Variants in NRXN3 observed in about 807,000 individuals in gnomAD.
The protein encoded by NRXN3 is neurexin 3.
In NRXN3, 32 loss-of-function variants were observed where a neutral mutation model predicts 137.6. That is an observed-to-expected ratio of 0.23 (90% CI 0.18 to 0.31). NRXN3 has a LOEUF of 0.31. Among genes scored for constraint, NRXN3 ranks in the 10% least tolerant of loss-of-function variants. The pLI is 1.00. For synonymous variants in NRXN3, 798 were observed against 784.5 expected, an observed-to-expected ratio of 1.02 and a Z score of -0.29; for missense variants, 1,574 against 2,062.5, an observed-to-expected ratio of 0.76 and a Z score of 4.59.
chr14:78,347,478 CAATG>C (rs2153588750), intron 4 of NRXN3, among the ~76,000 whole-genome samples: 1 of 152,314 alleles, frequency 6.6e-6, no homozygotes, highest in South Asian at 2.1e-4. Context: ...AGAGACAAGA[CAATG>C]TATACTTTCT....
chr14:78,417,017 G>T (rs11159358), intron 4 of NRXN3, among the ~76,000 whole-genome samples: 121,906 of 151,690 alleles, frequency 0.8, 50,556 homozygotes, highest in Non-Finnish European at 0.91. Flanking sequence ...GGCTCCTGCT[G>T]TAACCTTGTA....
chr14:78,288,932 A>G (rs752798992), intron 3 of NRXN3, among the ~76,000 whole-genome samples: 1 of 152,210 alleles, frequency 6.6e-6, no homozygotes, highest in Non-Finnish European at 1.5e-5. Flanking sequence ...ACCTTGCCAT[A>G]AGAACAATAT....
intron 10 of NRXN3, among the ~76,000 whole-genome samples, chr14:78,892,477 A>T (rs1158781341): frequency 6.6e-6 from 1 of 151,890 alleles, no homozygotes; most frequent in Non-Finnish European, 1.5e-5. Context: ...GTGAGTTTAG[A>T]CATTGTTCTG....
At chr14:79,051,381 A>G (rs1252641793) in intron 15 of NRXN3, among the ~76,000 whole-genome samples, 3 of 152,220 alleles carry the variant, frequency 2.0e-5, no homozygotes, top group African/African-American at 4.8e-5. Flanking sequence ...TCTCTTATAC[A>G]TAAAGAAACT....
chr14:78,275,171 T>G (rs73310363), intron 2 of NRXN3, among the ~76,000 whole-genome samples: 1,652 of 152,342 alleles, frequency 0.011, 28 homozygotes, highest in African/African-American at 0.038. Flanking sequence ...CTGCTGGCAC[T>G]TACTCTACTT....
intron 14 of NRXN3, among the ~76,000 whole-genome samples, chr14:78,976,595 A>C (rs1429328314): frequency 2.0e-5 from 3 of 152,212 alleles, no homozygotes; most frequent in African/African-American, 7.2e-5. Context: ...ATTGTATCAC[A>C]TTCTCCATTG....
At chr14:79,278,017 G>C (rs2080573530) in intron 15 of NRXN3, among the ~76,000 whole-genome samples, 1 of 152,148 alleles carries the variant, frequency 6.6e-6, no homozygotes. Context: ...ACATAATGCT[G>C]TTTCCTCAAC....
At chr14:78,326,580 G>T (rs1000864548) in intron 4 of NRXN3, among the ~76,000 whole-genome samples, 10 of 152,136 alleles carry the variant, frequency 6.6e-5, no homozygotes, top group African/African-American at 1.9e-4. Context: ...AGAACAAAAG[G>T]TATACATCGT....
At chr14:78,936,447 G>A (rs924235649) in intron 10 of NRXN3, among the ~76,000 whole-genome samples, 20 of 152,260 alleles carry the variant, frequency 1.3e-4, no homozygotes, top group African/African-American at 4.1e-4. Flanking sequence ...AGTACATATT[G>A]TATGGTTACA....
intron 4 of NRXN3, among the ~76,000 whole-genome samples, chr14:78,321,817 C>A (rs1367290114): frequency 6.6e-6 from 1 of 151,964 alleles, no homozygotes; most frequent in Non-Finnish European, 1.5e-5. Flanking sequence ...TGCTGGTTTC[C>A]CCTTCCAGAT....
chr14:78,603,777 G>T (rs2097221372), intron 4 of NRXN3, among the ~76,000 whole-genome samples: 1 of 152,136 alleles, frequency 6.6e-6, no homozygotes, highest in Admixed American at 6.5e-5. Flanking sequence ...TCAAGGATCA[G>T]GAGCACCTAG....
At chr14:79,549,940 G>A (rs2097357801) in intron 16 of NRXN3, among the ~76,000 whole-genome samples, 1 of 149,814 alleles carries the variant, frequency 6.7e-6, no homozygotes, top group South Asian at 2.1e-4. Flanking sequence ...CTTCCTACAG[G>A]TTACTTCTCA....
intron 8 of NRXN3, among the ~76,000 whole-genome samples, chr14:78,717,502 TG>T (rs1242603075): frequency 6.6e-6 from 1 of 152,182 alleles, no homozygotes; most frequent in Admixed American, 6.5e-5. Context: ...AATTGTTTTT[TG>T]CCCCTGGATT....
At chr14:78,765,724 G>GAT (rs149894446) in intron 8 of NRXN3, among the ~76,000 whole-genome samples, 14,707 of 150,502 alleles carry the variant, frequency 0.098, 765 homozygotes, top group South Asian at 0.19. Flanking sequence ...AATAAATGTT[G>GAT]ATATATATAT....
intron 15 of NRXN3, among the ~76,000 whole-genome samples, chr14:79,412,057 G>A (rs2095424637): frequency 6.6e-6 from 1 of 152,092 alleles, no homozygotes; most frequent in Non-Finnish European, 1.5e-5. Flanking sequence ...TCTCCTTATG[G>A]TGATGGTGGT....
In NRXN3 at chr14:78,221,566, A is replaced by G. The variant is rs150163961; in HGVS notation, c.-703-20825A>G. On this transcript the variant is annotated intron_variant, in intron 1 of 20. Coordinates refer to ENST00000335750, the MANE Select transcript of NRXN3 (RefSeq NM_001330195.2). ...GTCAGTTATTACTGCATAACAAACA[A>G]TCACAAAAAACTGGATGATACGCAA... Among the ~76,000 whole-genome samples, 324 of 152,316 alleles carry G rather than the reference A, an allele frequency of 2.1e-3. 1 individual carries two copies. The highest frequency in any genetic ancestry group is 0.02 in the Middle Eastern group (6 of 294).
chr14:78,328,695 T>A (rs529839121), intron 4 of NRXN3, among the ~76,000 whole-genome samples: 1 of 152,190 alleles, frequency 6.6e-6, no homozygotes, highest in Middle Eastern at 3.2e-3. Flanking sequence ...TTTCCAGATA[T>A]GTAATTTTAA....
intron 10 of NRXN3, among the ~76,000 whole-genome samples, chr14:78,866,045 G>T (rs977008910): frequency 6.6e-6 from 1 of 152,130 alleles, no homozygotes; most frequent in African/African-American, 2.4e-5. Flanking sequence ...GTTACCAAAA[G>T]ACTGAAACTA....
At chr14:79,027,956 T>C (rs2099601256) in intron 15 of NRXN3, among the ~76,000 whole-genome samples, 2 of 152,194 alleles carry the variant, frequency 1.3e-5, no homozygotes, top group African/African-American at 4.8e-5. Flanking sequence ...TGTGTGGCCT[T>C]GGGCAAGTTA....
Sources: allele counts gnomAD v4.1 joint callset (sites outside exome capture counted in the v4.1 genomes callset), GRCh38; gene constraint gnomAD v4.1.1; transcripts MANE v1.5; gene names NCBI Gene and HGNC (gene_info 2026-07-23, HGNC 2026-07-21).